LDLRAD4: variants seen among roughly 807,000 people sequenced by gnomAD.
LDLRAD4 encodes the protein low-density lipoprotein receptor class A domain-containing protein 4.
A neutral mutation model predicts 17.0 loss-of-function variants in LDLRAD4; 5 were observed. The observed-to-expected ratio is 0.29, with a 90% CI of 0.15 to 0.62. LDLRAD4 has a LOEUF of 0.62. Among genes scored for constraint, LDLRAD4 ranks in the 20% least tolerant of loss-of-function variants. The probability of loss-of-function intolerance (pLI) is 0.84; values close to 1 mark genes in which losing one functional copy is unlikely to be tolerated. For missense variants in LDLRAD4, 340 were observed against 424.7 expected (o/e 0.80, Z 1.75); for synonymous variants, 168 against 171.8 (o/e 0.98, Z 0.17).
Position 13,405,692 on chromosome 18 carries a change from C to T in LDLRAD4, c.40+17930C>T, listed in dbSNP as rs554571849. On this transcript the variant is annotated intron_variant, in intron 2 of 5. Transcript: ENST00000359446. ...GCCTTAAGCAGTCCACCCGCCTCAGCCTCCTAAAGTGCTGAGATTACTGCA... is the reference window on the plus strand; with the variant it reads ...GCCTTAAGCAGTCCACCCGCCTCAGTCTCCTAAAGTGCTGAGATTACTGCA... Among the ~76,000 whole-genome samples, 11 of 151,850 alleles carry T rather than the reference C, an allele frequency of 7.2e-5. No individual in the cohort carries two copies. In the East Asian group the frequency reaches 1.4e-3, roughly 19 times the overall value.
rs190169284 is a variant in LDLRAD4 at position 13,367,253 on chromosome 18, G to A, written c.-382-20088G>A. Among the ~76,000 whole-genome samples the A allele has an allele frequency of 1.8e-3, 270 of 152,320 alleles. No homozygotes were observed. Among genetic ancestry groups the A allele is most frequent in the Non-Finnish European group, 3.0e-3 (205 of 68,024 alleles). On this transcript the variant is annotated intron_variant, in intron 1 of 5. Transcript: ENST00000359446. The surrounding 1 kb of genome is among the most constrained non-coding windows in gnomAD (Gnocchi z 4.1). ...AATCTTTGAAATAAACTCCTCAGAT[G>A]ATTTTGGTTCACACAGAGTCAGAAC...
intron 3 of LDLRAD4, among the ~76,000 whole-genome samples, chr18:13,512,165 A>C (rs184882089): frequency 6.6e-6 from 1 of 152,318 alleles, no homozygotes; most frequent in Non-Finnish European, 1.5e-5. Flanking sequence ...TACAGGGTAG[A>C]TATAGGCTGA....
chr18:13,371,009 C>G (rs534990354), intron 1 of LDLRAD4, among the ~76,000 whole-genome samples: 1 of 152,144 alleles, frequency 6.6e-6, no homozygotes, highest in East Asian at 1.9e-4. Context: ...ACACCCGGCC[C>G]CCTTCATGTT....
chr18:13,466,684 A>T (rs1257212955), intron 3 of LDLRAD4, among the ~76,000 whole-genome samples: 2 of 152,218 alleles, frequency 1.3e-5, no homozygotes, highest in East Asian at 3.8e-4. Flanking sequence ...TGCCTCTAAC[A>T]AAATACCATA....
At chr18:13,360,119 G>A (rs1166358734) in intron 1 of LDLRAD4, among the ~76,000 whole-genome samples, 2 of 152,198 alleles carry the variant, frequency 1.3e-5, no homozygotes, top group African/African-American at 2.4e-5. Flanking sequence ...TCTCCTGAGC[G>A]AGGGGCAGGC....
At chr18:13,516,838 T>A (rs1321642770) in intron 3 of LDLRAD4, among the ~76,000 whole-genome samples, 1 of 152,170 alleles carries the variant, frequency 6.6e-6, no homozygotes, top group Non-Finnish European at 1.5e-5. Flanking sequence ...CTGGCATCCC[T>A]TCATTTCATT....
At chr18:13,560,325 C>A (rs940702986) in intron 3 of LDLRAD4, among the ~76,000 whole-genome samples, 1 of 152,220 alleles carries the variant, frequency 6.6e-6, no homozygotes, top group African/African-American at 2.4e-5. Context: ...CACCTTTTCT[C>A]TGACTTCTGA....
At chr18:13,272,885 C>T (rs147970660) in intron 1 of LDLRAD4, among the ~76,000 whole-genome samples, 1 of 152,250 alleles carries the variant, frequency 6.6e-6, no homozygotes, top group East Asian at 1.9e-4. Flanking sequence ...CCGATGAGGC[C>T]CTAGGAAAGA....
intron 3 of LDLRAD4, among the ~76,000 whole-genome samples, chr18:13,502,769 A>G (rs941281767): frequency 1.4e-4 from 22 of 152,208 alleles, no homozygotes; most frequent in African/African-American, 4.3e-4. Context: ...AGGTCTTCTC[A>G]GTGCTTCGGG....
chr18:13,461,659 C>G (rs1306340839), intron 3 of LDLRAD4, among the ~76,000 whole-genome samples: 1 of 152,166 alleles, frequency 6.6e-6, no homozygotes, highest in African/African-American at 2.4e-5. Flanking sequence ...ACTTGGTGTA[C>G]ACCCTATGTA....
chr18:13,240,238 G>A (rs890785834), intron 1 of LDLRAD4: 9 of 152,258 alleles, frequency 5.9e-5, no homozygotes, highest in African/African-American at 2.2e-4. Flanking sequence ...GCAGCCTGAG[G>A]CTTCCCTAGT....
intron 3 of LDLRAD4, among the ~76,000 whole-genome samples, chr18:13,518,776 C>CA (rs2093909229): frequency 6.6e-6 from 1 of 152,156 alleles, no homozygotes; most frequent in Admixed American, 6.5e-5. Flanking sequence ...TTGACTCACC[C>CA]AGAGAGTATG....
chr18:13,478,435 C>T (rs1180337839), intron 3 of LDLRAD4, among the ~76,000 whole-genome samples: 1 of 152,206 alleles, frequency 6.6e-6, no homozygotes, highest in Non-Finnish European at 1.5e-5. Flanking sequence ...TCAGCTGTGT[C>T]TGTTCTTTGC....
intron 2 of LDLRAD4, among the ~76,000 whole-genome samples, chr18:13,411,157 TAGG>T (rs1600068167): frequency 6.6e-6 from 1 of 151,006 alleles, no homozygotes; most frequent in African/African-American, 2.4e-5. Flanking sequence ...GAAGCTGAGG[TAGG>T]AGGATCACCT....
rs187039387 is a variant in LDLRAD4, at chr18:13,505,839, A to G, written c.181+67455A>G. ...TCTCAAAAAAACAAAAACAAAAACA[A>G]AAACAAAACACTAGCAACCTTGAGA... On this transcript the variant is annotated intron_variant, in intron 3 of 5. Coordinates refer to ENST00000359446, the Ensembl canonical transcript of LDLRAD4. Among the ~76,000 whole-genome samples, 695 of 150,040 alleles carry G rather than the reference A, an allele frequency of 4.6e-3. 6 individuals carry two copies. The highest frequency in any genetic ancestry group is 0.017 in the African/African-American group (661 of 39,842).
At chr18:13,325,940 TG>T (rs1336222857) in intron 1 of LDLRAD4, among the ~76,000 whole-genome samples, 4 of 152,076 alleles carry the variant, frequency 2.6e-5, no homozygotes, top group African/African-American at 9.7e-5. Flanking sequence ...AATTTTTTTT[TG>T]TTTTTTTAGT....
At chr18:13,444,821 C>T (rs1477148348) in intron 3 of LDLRAD4, among the ~76,000 whole-genome samples, 2 of 152,114 alleles carry the variant, frequency 1.3e-5, no homozygotes, top group African/African-American at 2.4e-5. Flanking sequence ...AAACTCAAGC[C>T]TGACCAGAGG....
At chr18:13,612,243 C>CTG in intron 3 of LDLRAD4, 4 of 994,112 alleles carry the variant, frequency 4.0e-6, no homozygotes, top group Non-Finnish European at 4.8e-6. Flanking sequence ...TTCTGCTTGC[C>CTG]TGTGTGTGTG....
chr18:13,454,834 G>A (rs2092039001), intron 3 of LDLRAD4, among the ~76,000 whole-genome samples: 1 of 152,238 alleles, frequency 6.6e-6, no homozygotes, highest in Admixed American at 6.5e-5. Flanking sequence ...GTTGCCTTTG[G>A]AGATCAGACC....
Sources: allele counts gnomAD v4.1 joint callset (sites outside exome capture counted in the v4.1 genomes callset), GRCh38; gene constraint gnomAD v4.1.1; non-coding constraint Gnocchi (gnomAD v3.1); transcripts MANE v1.5; gene names NCBI Gene and HGNC (gene_info 2026-07-23, HGNC 2026-07-21).